Variants in ADGRL2 observed in about 807,000 individuals in gnomAD.
ADGRL2 encodes the protein calcium-independent alpha-latrotoxin receptor 2.
ADGRL2 carries 44 observed loss-of-function variants against 157.4 expected under a neutral mutation model. The observed-to-expected ratio is 0.28, with a 90% CI of 0.22 to 0.36. ADGRL2 has a LOEUF of 0.36. Ranked by LOEUF, ADGRL2 falls within the 10% of genes least tolerant of loss-of-function variation. The pLI is 1.00. For missense variants in ADGRL2, 1,510 were observed against 1,768.9 expected (o/e 0.85, Z 2.63); for synonymous variants, 585 against 624.7 (o/e 0.94, Z 0.95).
intron 1 of ADGRL2, among the ~76,000 whole-genome samples, chr1:81,745,485 A>C (rs988776860): frequency 6.6e-6 from 1 of 152,228 alleles, no homozygotes; most frequent in Non-Finnish European, 1.5e-5. Context: ...TGGCAATTTC[A>C]TATGATTCAA....
Position 81,950,371 on chromosome 1 carries a change from A to AT in ADGRL2, c.1398dup (p.Pro467SerfsTer8). 6.2e-7 allele frequency: 1 copy of AT among 1,613,944 alleles called. No homozygotes were observed. The highest frequency in any genetic ancestry group is 8.5e-7 in the Non-Finnish European group (1 of 1,179,930). On this transcript the variant is annotated frameshift_variant, in exon 7 of 24. Coordinates refer to ENST00000686636, the MANE Select transcript of ADGRL2 (RefSeq NM_001366006.2). LOFTEE classifies it high-confidence loss of function. ...AACCAAAATTCCACCTATAACAAAT[A>AT]TTTTTCCCCTGCCAGAGAGATTCTG...
rs72939282 is a variant in ADGRL2, at chr1:81,672,151, G to A, written c.-142-89660G>A. ...TCTTATCTTAGAATTGGGCTTTCAA[G>A]TGTTGCTTTAGCAGCCTTCTGTAGC... On this transcript the variant is annotated intron_variant, in intron 3 of 24. Coordinates refer to the ADGRL2 transcript ENST00000370721. 8.2e-3 allele frequency among the ~76,000 whole-genome samples: 1,246 copies of A among 152,294 alleles called. 14 individuals are homozygous for A. Among genetic ancestry groups the A allele is most frequent in the African/African-American group, 0.028 (1,164 of 41,546 alleles).
intron 1 of ADGRL2, among the ~76,000 whole-genome samples, chr1:81,728,727 C>T (rs2084622871): frequency 6.6e-6 from 1 of 152,144 alleles, no homozygotes; most frequent in African/African-American, 2.4e-5. Context: ...CTCTTGCCCC[C>T]ACTCAATCTC....
At chr1:81,534,545 A>G (rs2079687434) in intron 2 of ADGRL2, among the ~76,000 whole-genome samples, 1 of 152,244 alleles carries the variant, frequency 6.6e-6, no homozygotes, top group Non-Finnish European at 1.5e-5. Context: ...ATGTTATCTG[A>G]TATGAGCTAC....
At chr1:81,608,855 TTC>T (rs1229073029) in intron 3 of ADGRL2, among the ~76,000 whole-genome samples, 1 of 152,156 alleles carries the variant, frequency 6.6e-6, no homozygotes, top group East Asian at 1.9e-4. Context: ...CCTCCTTTTA[TTC>T]TCTTTTTGGA....
intron 2 of ADGRL2, among the ~76,000 whole-genome samples, chr1:81,844,273 T>C (rs924889197): frequency 7.2e-5 from 11 of 152,164 alleles, no homozygotes; most frequent in Admixed American, 7.2e-4. Flanking sequence ...ACAGGGAGTT[T>C]AATTAAAAGC....
chr1:81,467,046 TAAAAAAAA>T (rs550364036), intron 2 of ADGRL2, among the ~76,000 whole-genome samples: 7 of 130,638 alleles, frequency 5.4e-5, no homozygotes, highest in African/African-American at 1.9e-4. Context: ...AAGCTACAGT[TAAAAAAAA>T]AAAAAGAAAA....
intron 3 of ADGRL2, among the ~76,000 whole-genome samples, chr1:81,594,857 T>G (rs1353099416): frequency 6.6e-6 from 1 of 152,344 alleles, no homozygotes; most frequent in Non-Finnish European, 1.5e-5. Context: ...GCCTTTCTGG[T>G]TTTAAAATGT....
intron 3 of ADGRL2, among the ~76,000 whole-genome samples, chr1:81,627,105 C>CTAT (rs1292562852): frequency 1.3e-5 from 2 of 151,652 alleles, no homozygotes; most frequent in Non-Finnish European, 2.9e-5. Context: ...ATTATTATTA[C>CTAT]TATTATTATT....
At chr1:81,783,184 T>C (rs1209363276) in intron 2 of ADGRL2, among the ~76,000 whole-genome samples, 1 of 152,132 alleles carries the variant, frequency 6.6e-6, no homozygotes, top group Non-Finnish European at 1.5e-5. Flanking sequence ...AGTGCAGTGG[T>C]GCGATCTCAG....
chr1:81,655,142 G>A (rs769608102), intron 3 of ADGRL2, among the ~76,000 whole-genome samples: 8 of 152,182 alleles, frequency 5.3e-5, no homozygotes, highest in Non-Finnish European at 8.8e-5. Flanking sequence ...AGGACTACGG[G>A]CGCATGCCAC....
At chr1:81,589,613 A>G (rs1356377370) in intron 3 of ADGRL2, among the ~76,000 whole-genome samples, 1 of 152,200 alleles carries the variant, frequency 6.6e-6, no homozygotes, top group Admixed American at 6.5e-5. Context: ...TATGGTCTAG[A>G]TTGCTCAGCT....
At chr1:81,955,771 A>G (rs1653314631) in intron 10 of ADGRL2, 106 bp from the exon 11 acceptor site, 3 of 676,494 alleles carry the variant, frequency 4.4e-6, no homozygotes, top group Admixed American at 2.9e-5. Flanking sequence ...AAGTAAGAGT[A>G]AATCATCATG....
rs780914901 is a variant in ADGRL2 at position 81,907,127 on chromosome 1, G to A, written c.184G>A (p.Ala62Thr). 14 of 1,613,990 alleles carry A rather than the reference G, an allele frequency of 8.7e-6. No homozygotes were observed. Among genetic ancestry groups the A allele is most frequent in the South Asian group, 3.3e-5 (3 of 91,080 alleles). Reference sequence around the variant, plus strand: ...CAGTGATGTCATCATGATTGAGAGCGCTAACTATGGTCGGACGGATGACAA... The same window carrying A: ...CAGTGATGTCATCATGATTGAGAGCACTAACTATGGTCGGACGGATGACAA... ...PGSDVIMIES[A>T]NYGRTDDKIC... is the part of the protein sequence containing the mutation. The change falls in exon 3 of 24, where the codon GCT becomes ACT. Residue 62 changes from alanine to threonine, a missense_variant. Ala to Thr is a moderately conservative substitution (Grantham distance 58, BLOSUM62 0). Transcript: ENST00000686636.
In ADGRL2 at chr1:81,739,418, C is replaced by T. The variant is rs1026568823; in HGVS notation, c.-142-22393C>T. 2.1e-4 allele frequency among the ~76,000 whole-genome samples: 32 copies of T among 152,202 alleles called. 1 individual carries two copies. Among genetic ancestry groups the T allele is most frequent in the African/African-American group, 7.0e-4 (29 of 41,448 alleles). On this transcript the variant is annotated intron_variant, in intron 1 of 20. Coordinates refer to the ADGRL2 transcript ENST00000359929. Reference sequence around the variant, plus strand: ...ATAAATTATTCATGGTTTGACAGAACCCTTGGGCCCATTTCCTCTACCTTA... The same window carrying T: ...ATAAATTATTCATGGTTTGACAGAATCCTTGGGCCCATTTCCTCTACCTTA...
chr1:81,589,946 A>G (rs2081099270), intron 3 of ADGRL2, among the ~76,000 whole-genome samples: 1 of 152,154 alleles, frequency 6.6e-6, no homozygotes, highest in Non-Finnish European at 1.5e-5. Flanking sequence ...TCTAGATCAG[A>G]ACTCCATTTA....
chr1:81,712,507 C>A (rs2083963285), intron 1 of ADGRL2, among the ~76,000 whole-genome samples: 2 of 152,066 alleles, frequency 1.3e-5, no homozygotes, highest in Admixed American at 1.3e-4. Context: ...TAATGGGTAT[C>A]ATAATATCCC....
intron 3 of ADGRL2, among the ~76,000 whole-genome samples, chr1:81,910,244 CAAT>C (rs10631240): frequency 0.17 from 24,429 of 142,940 alleles, 2,527 homozygotes; most frequent in Middle Eastern, 0.32. Flanking sequence ...GCCTAAAAAA[CAAT>C]AATAATAATA....
At chr1:81,740,113 A>T (rs2149218142) in intron 1 of ADGRL2, among the ~76,000 whole-genome samples, 1 of 152,342 alleles carries the variant, frequency 6.6e-6, no homozygotes, top group South Asian at 2.1e-4. Context: ...TTGTTAGCCC[A>T]CATCTGGGAA....
Sources: gnomAD v4.1 joint callset for allele counts (sites outside exome capture counted in the v4.1 genomes callset) on GRCh38, gnomAD v4.1.1 for gene constraint, MANE v1.5 for transcripts, NCBI Gene and HGNC (gene_info 2026-07-23, HGNC 2026-07-21) for gene names.